Variants in DIAPH2 observed in about 807,000 individuals in gnomAD.
The protein encoded by DIAPH2 is protein diaphanous homolog 2.
In DIAPH2, 35 loss-of-function variants were observed where a neutral mutation model predicts 92.7. The observed-to-expected ratio is 0.38, with a 90% confidence interval of 0.29 to 0.50. The LOEUF (loss-of-function observed/expected upper bound fraction) is 0.50. Among genes scored for constraint, DIAPH2 ranks in the 20% least tolerant of loss-of-function variants. The pLI is 0.94. For missense variants in DIAPH2, 701 were observed against 819.5 expected (o/e 0.86, Z 1.77); for synonymous variants, 301 against 280.4 (o/e 1.07, Z -0.73).
At chrX:96,937,160 T>A in intron 10 of DIAPH2, 73 bp from the exon 11 acceptor site, 1 of 476,174 alleles carries the variant, frequency 2.1e-6, no homozygotes, top group Non-Finnish European at 3.3e-6. Context: ...ATAATTGTGT[T>A]CTGCCCTTTA....
chrX:96,850,780 G>A (rs2065001681), intron 4 of DIAPH2, among the ~76,000 whole-genome samples: 1 of 111,742 alleles, frequency 8.9e-6, no homozygotes, highest in Admixed American at 9.5e-5. Flanking sequence ...TCTAATCATA[G>A]CAATTGCTTC....
Position 96,913,216 on chromosome X carries a change from G to T in DIAPH2, c.732+664G>T, listed in dbSNP as rs555644557. On this transcript the variant is annotated intron_variant, in intron 7 of 26. Coordinates refer to ENST00000324765, the MANE Select transcript of DIAPH2 (RefSeq NM_006729.5). ...AATGAAACAAACAAAAAAAATGATT[G>T]GAAAAAGTGTATTTGACTCTTGTCT... Among the ~76,000 whole-genome samples, 17 of 111,154 alleles carry T rather than the reference G, an allele frequency of 1.5e-4. No homozygotes were observed. In the South Asian group the frequency reaches 6.0e-3, roughly 40 times the overall value.
intron 22 of DIAPH2, among the ~76,000 whole-genome samples, chrX:97,243,786 A>G (rs907208767): frequency 9.0e-6 from 1 of 111,651 alleles, no homozygotes; most frequent in Non-Finnish European, 1.9e-5. Context: ...TACTTATATA[A>G]TAATTGGTAT....
chrX:96,983,496 A>T (rs1008095402), intron 17 of DIAPH2, among the ~76,000 whole-genome samples: 1 of 112,414 alleles, frequency 8.9e-6, no homozygotes. Flanking sequence ...AGGCAGCTTC[A>T]TATTATAGCT....
chrX:97,436,849 A>G (rs1304973836), intron 26 of DIAPH2, among the ~76,000 whole-genome samples: 1 of 112,032 alleles, frequency 8.9e-6, no homozygotes, highest in Non-Finnish European at 1.9e-5. Context: ...TGGCTTCACA[A>G]CGCCAGAGTT....
intron 3 of DIAPH2, among the ~76,000 whole-genome samples, chrX:96,750,332 G>A (rs373499214): frequency 9.0e-6 from 1 of 111,412 alleles, no homozygotes; most frequent in South Asian, 3.7e-4. Context: ...GGCTAATTTC[G>A]ACAGTTTTAA....
At chrX:96,946,933 C>T (rs1223949033) in intron 14 of DIAPH2, among the ~76,000 whole-genome samples, 1 of 111,437 alleles carries the variant, frequency 9.0e-6, no homozygotes, top group African/African-American at 3.3e-5. Flanking sequence ...TACATGCATC[C>T]CCTTGTTCTG....
chrX:97,291,123 A>T lies in DIAPH2; in HGVS notation c.2844+43284A>T, dbSNP rs575329957. Among the ~76,000 whole-genome samples, 6 of 109,408 alleles carry T rather than the reference A, an allele frequency of 5.5e-5. No homozygotes were observed. The South Asian group carries it at 2.4e-3, about 44-fold the overall frequency. ...ACAAAAAAGCTGGGTGCTGTGGCTC[A>T]TGCCTGTAATCCCAGCCCTTTGGGA... On this transcript the variant is annotated intron_variant, in intron 23 of 26. Coordinates refer to ENST00000324765, the MANE Select transcript of DIAPH2 (RefSeq NM_006729.5).
At chrX:97,243,557 G>T (rs910274725) in intron 22 of DIAPH2, among the ~76,000 whole-genome samples, 1 of 111,590 alleles carries the variant, frequency 9.0e-6, no homozygotes, top group African/African-American at 3.3e-5. Flanking sequence ...GTATAAGCTA[G>T]AATTCTCAGA....
intron 17 of DIAPH2, among the ~76,000 whole-genome samples, chrX:97,060,679 A>G (rs902078283): frequency 8.9e-6 from 1 of 111,977 alleles, no homozygotes; most frequent in African/African-American, 3.2e-5. Context: ...TACAAAATTA[A>G]TAAGAGGTGC....
At chrX:97,320,718 A>C (rs1226381071) in intron 23 of DIAPH2, among the ~76,000 whole-genome samples, 16 of 104,750 alleles carry the variant, frequency 1.5e-4, no homozygotes, top group African/African-American at 5.1e-4. Flanking sequence ...CCGTCTCAAA[A>C]AAAAAAAAAA....
At chrX:96,847,014 C>CT (rs1280226589) in intron 4 of DIAPH2, among the ~76,000 whole-genome samples, 1 of 111,269 alleles carries the variant, frequency 9.0e-6, no homozygotes, top group African/African-American at 3.3e-5. Flanking sequence ...TGCATTGCCC[C>CT]TTATTGCCTT....
chrX:96,704,818 C>T (rs981497298), intron 1 of DIAPH2, among the ~76,000 whole-genome samples: 9 of 110,733 alleles, frequency 8.1e-5, no homozygotes, highest in Non-Finnish European at 7.6e-5. Context: ...CCTCAGTATT[C>T]GGTAAGTTCC....
intron 5 of DIAPH2, among the ~76,000 whole-genome samples, chrX:96,894,970 CT>C (rs2065333256): frequency 2.1e-5 from 1 of 48,220 alleles, no homozygotes. Flanking sequence ...ATTAGTTTTT[CT>C]TAATTTTTTT....
chrX:96,967,072 T>A (rs1376132031), intron 17 of DIAPH2, among the ~76,000 whole-genome samples: 1 of 111,923 alleles, frequency 8.9e-6, no homozygotes, highest in East Asian at 2.8e-4. Context: ...AGGGGGTACA[T>A]GTGCAGGATT....
chrX:97,350,814 G>A (rs930646446), intron 24 of DIAPH2, among the ~76,000 whole-genome samples: 1 of 112,322 alleles, frequency 8.9e-6, no homozygotes. Context: ...TGTAGGATAT[G>A]TTTTATGTCT....
chrX:97,187,281 C>CTTTTTTTTTGTT (rs2067613577), intron 22 of DIAPH2, among the ~76,000 whole-genome samples: 1 of 36,889 alleles, frequency 2.7e-5, no homozygotes, highest in Non-Finnish European at 4.4e-5. Flanking sequence ...ATTAAGTAGC[C>CTTTTTTTTTGTT]TTTTTTTTTT....
chrX:96,978,052 G>A (rs760285408), intron 17 of DIAPH2, among the ~76,000 whole-genome samples: 1 of 111,949 alleles, frequency 8.9e-6, no homozygotes, highest in East Asian at 2.8e-4. Context: ...TTGTAACATT[G>A]CTGTATAAAA....
chrX:97,567,990 C>G (rs1173816780), intron 26 of DIAPH2, among the ~76,000 whole-genome samples: 2 of 107,419 alleles, frequency 1.9e-5, no homozygotes, highest in Admixed American at 2.0e-4. Flanking sequence ...GTGGTGCGTG[C>G]CTGTAATCCC....
Sources: allele counts gnomAD v4.1 joint callset (sites outside exome capture counted in the v4.1 genomes callset), GRCh38; gene constraint gnomAD v4.1.1; transcripts MANE v1.5; gene names NCBI Gene and HGNC (gene_info 2026-07-23, HGNC 2026-07-21).